The following EIF3D variants were observed in gnomAD, a reference collection of about 807,000 sequenced individuals.
EIF3D encodes eukaryotic translation initiation factor 3 subunit D.
In EIF3D, 10 loss-of-function variants were observed where a neutral mutation model predicts 75.4. The observed-to-expected ratio is 0.13, with a 90% CI of 0.08 to 0.22. EIF3D has a LOEUF of 0.22. Ranked by LOEUF, EIF3D falls within the 10% of genes least tolerant of loss-of-function variation. The pLI is 1.00. For missense variants in EIF3D, 394 were observed against 708.0 expected, an observed-to-expected ratio of 0.56 and a Z score of 5.03; for synonymous variants, 246 against 248.3, an observed-to-expected ratio of 0.99 and a Z score of 0.09.
rs1934593083 is a variant in EIF3D at position 36,526,028 on chromosome 22, G to A, written c.94C>T (p.Pro32Ser). 1.2e-6 allele frequency: 2 copies of A among 1,613,174 alleles called. No homozygotes were observed. Among genetic ancestry groups the A allele is most frequent in the East Asian group, 4.5e-5 (2 of 44,834 alleles). ...PEQFRDMPYQ[P>S]FSKGDRLGKV... ...CCTAGCCGATCTCCTTTGCTGAACG[G>A]CTGGTAGGGCATATCCCGAAACTGC... Residue 32 changes from proline to serine, a missense_variant, in exon 2 of 15, where the codon CCG (proline) becomes TCG (serine). By Grantham distance (74) the Pro-to-Ser change is moderately conservative (BLOSUM62 -1). Coordinates refer to ENST00000216190, the MANE Select transcript of EIF3D (RefSeq NM_003753.4).
chr22:36,519,366 T>A (rs1320835138), intron 8 of EIF3D, 39 bp downstream of exon 8: 3 of 1,612,086 alleles, frequency 1.9e-6, no homozygotes, highest in Non-Finnish European at 8.5e-7. Context: ...GCCGACAGCA[T>A]TCCTAACAAG....
intron 3 of EIF3D, among the ~76,000 whole-genome samples, chr22:36,525,238 ACTTTTTT>A (rs1934578564): frequency 8.5e-6 from 1 of 117,602 alleles, no homozygotes; most frequent in African/African-American, 3.2e-5. Flanking sequence ...CAGGGGTTTT[ACTTTTTT>A]TTTTTTTTTT....
chr22:36,518,479 ACT>A (rs1393896878), intron 9 of EIF3D, among the ~76,000 whole-genome samples: 4 of 144,086 alleles, frequency 2.8e-5, no homozygotes, highest in South Asian at 2.2e-4. Context: ...ACAGAGTGAG[ACT>A]CTCTGTCTCA....
Position 36,510,962 on chromosome 22 carries a change from C to A in EIF3D, c.*25G>T. On this transcript the variant is annotated 3_prime_UTR_variant, in exon 15 of 15. Coordinates refer to ENST00000216190, the MANE Select transcript of EIF3D (RefSeq NM_003753.4). ...GGCCCTCGTAGTCTCGGTGGAAGGA[C>A]AAACTCCAGCTCCACATCACTGGTT... 3.8e-6 allele frequency: 6 copies of A among 1,591,572 alleles called. No homozygotes were observed. The highest frequency in any genetic ancestry group is 1.7e-4 in the Middle Eastern group (1 of 5,966).
intron 12 of EIF3D, among the ~76,000 whole-genome samples, chr22:36,515,350 GAA>G (rs1934405892): frequency 6.6e-6 from 1 of 152,134 alleles, no homozygotes; most frequent in Non-Finnish European, 1.5e-5. Flanking sequence ...CCAACATGGA[GAA>G]ACCCCATCTC....
rs752906264 is a variant in EIF3D at position 36,512,452 on chromosome 22, A to T, written c.1349+8T>A. On this transcript the variant is annotated splice_region_variant and intron_variant, in intron 13 of 14. Transcript: ENST00000216190. The stretch of plus-strand genomic sequence containing the variant: ...GATCAGCTGCCAGCTCCTGCACAGG[A>T]ATCTCACCCAAGCTTGAGGTACTCA... The T allele has an allele frequency of 5.0e-6, 8 of 1,613,854 alleles. No homozygotes were observed. The highest frequency in any genetic ancestry group is 2.2e-5 in the East Asian group (1 of 44,890).
intron 1 of EIF3D, 25 bp from the exon 2 acceptor site, chr22:36,526,156 A>G: frequency 6.3e-7 from 1 of 1,578,468 alleles, no homozygotes; most frequent in South Asian, 1.1e-5. Context: ...TCATGTGAGT[A>G]GCGGCATGAA....
chr22:36,523,151 A>G (rs1337104284), intron 6 of EIF3D, 58 bp downstream of exon 6: 1 of 1,386,824 alleles, frequency 7.2e-7, no homozygotes. Flanking sequence ...CTATTAATAA[A>G]GACAACCAAA....
intron 13 of EIF3D, among the ~76,000 whole-genome samples, chr22:36,512,031 C>T (rs1406967250): frequency 2.0e-5 from 3 of 151,758 alleles, no homozygotes; most frequent in Non-Finnish European, 3.0e-5. Context: ...GCTGGGGCTA[C>T]AGGCGCCCGC....
rs1255274234 is a variant in EIF3D at position 36,516,999 on chromosome 22, T to C, written c.991-209A>G. On this transcript the variant is annotated intron_variant, in intron 10 of 14. Coordinates refer to ENST00000216190, the MANE Select transcript of EIF3D (RefSeq NM_003753.4). ...AATTAGAACAATGACTTAGTAACCA[T>C]GCTCATCTCTACTTCATTTTTTTGC... 14 of 615,764 alleles carry C rather than the reference T, an allele frequency of 2.3e-5. No individual in the cohort carries two copies. In the East Asian group the frequency reaches 3.3e-4, roughly 14 times the overall value. 38.1% of individuals were successfully genotyped at this position (615,764 alleles called of 1,614,324 possible). A position where few individuals can be genotyped will look rare whatever the true frequency, so the allele number is the denominator to read the frequency against.
rs779737018 is a variant in EIF3D, at chr22:36,525,991, G to C, written c.123+8C>G. The C allele has an allele frequency of 9.3e-6, 15 of 1,607,316 alleles. No individual in the cohort carries two copies. The Admixed American group carries it at 2.0e-4, about 22-fold the overall frequency. The stretch of plus-strand genomic sequence containing the variant: ...CAAAGATTCAGACTCCTGCTGACAG[G>C]CATGTACCTTTCCTAGCCGATCTCC... On this transcript the variant is annotated splice_region_variant and intron_variant, in intron 2 of 14. Coordinates refer to ENST00000216190, the MANE Select transcript of EIF3D (RefSeq NM_003753.4).
chr22:36,520,101 A>T (rs547267463), intron 7 of EIF3D, among the ~76,000 whole-genome samples: 26 of 152,116 alleles, frequency 1.7e-4, no homozygotes, highest in Non-Finnish European at 3.7e-4. Flanking sequence ...TCCTCAGGAT[A>T]CCAGGAAGTT....
chr22:36,518,728 A>T, intron 9 of EIF3D, 35 bp downstream of exon 9: 3 of 1,611,248 alleles, frequency 1.9e-6, no homozygotes, highest in Non-Finnish European at 2.5e-6. Context: ...AAAATACTCA[A>T]TGCCTTTGAG....
At chr22:36,526,368 ACT>A (rs1934599948) in intron 1 of EIF3D, among the ~76,000 whole-genome samples, 2 of 151,288 alleles carry the variant, frequency 1.3e-5, no homozygotes, top group African/African-American at 4.9e-5. Context: ...ATTCCACGAC[ACT>A]CTCTTTTTAC....
chr22:36,528,209 TC>T (rs1411052135), intron 1 of EIF3D, among the ~76,000 whole-genome samples: 2 of 152,108 alleles, frequency 1.3e-5, no homozygotes, highest in African/African-American at 4.8e-5. Flanking sequence ...CTGCTGTCAG[TC>T]CAGCCTTCTT....
Position 36,511,618 on chromosome 22 carries a change from G to A in EIF3D, c.1518C>T (p.Tyr506=), listed in dbSNP as rs114744232. 1,101 of 1,614,114 alleles carry A rather than the reference G, an allele frequency of 6.8e-4. 11 individuals are homozygous for A. The African/African-American group carries it at 0.014, about 20-fold the overall frequency. Residue 506 remains tyrosine, a synonymous_variant, in exon 14 of 15, where the codon TAC becomes TAT. Coordinates refer to ENST00000216190, the MANE Select transcript of EIF3D (RefSeq NM_003753.4). ...DICMKLEEGK[Y]LILKDPNKQV... ...GCTTGTTGGGGTCCTTGAGGATGAG[G>A]TATTTGCCCTCCTCCAGCTTCATGC...
intron 12 of EIF3D, among the ~76,000 whole-genome samples, chr22:36,513,982 A>T (rs73169669): frequency 2.0e-5 from 3 of 152,292 alleles, no homozygotes; most frequent in Non-Finnish European, 4.4e-5. Context: ...TTAGGAGACA[A>T]ATGTCAAACA....
intron 8 of EIF3D, 74 bp from the exon 9 acceptor site, chr22:36,518,984 G>T: frequency 6.4e-7 from 1 of 1,568,514 alleles, no homozygotes; most frequent in Non-Finnish European, 8.7e-7. Context: ...GGATGGGAAA[G>T]AACTCCTTTG....
rs9610524 is a variant in EIF3D at position 36,521,504 on chromosome 22, G to A, written c.466-816C>T. Among the ~76,000 whole-genome samples, 699 of 152,306 alleles carry A rather than the reference G, an allele frequency of 4.6e-3. 3 individuals carry two copies. The highest frequency in any genetic ancestry group is 7.5e-3 in the Non-Finnish European group (510 of 68,030). On this transcript the variant is annotated intron_variant, in intron 6 of 14. Transcript: ENST00000216190. ...AATGCCCACACAAGCACACGCAGGT[G>A]AACGTTCACAGCAGCATCAATAATA...
Sources: gnomAD v4.1 joint callset for allele counts (sites outside exome capture counted in the v4.1 genomes callset) on GRCh38, gnomAD v4.1.1 for gene constraint, MANE v1.5 for transcripts, NCBI Gene and HGNC (gene_info 2026-07-23, HGNC 2026-07-21) for gene names.